Variants in OASL observed in about 807,000 individuals in gnomAD.
The protein encoded by OASL is 2'-5'-oligoadenylate synthetase like, also known as 2'-5'-oligoadenylate synthase-like protein.
A neutral mutation model predicts 35.3 loss-of-function variants in OASL; 28 were observed. The ratio of observed to expected loss-of-function variants is 0.79; its 90% CI spans 0.59 to 1.09. The LOEUF (loss-of-function observed/expected upper bound fraction) is 1.09, where lower values mean the gene tolerates loss of function less well. Ranked by LOEUF, OASL falls within the 50% of genes least tolerant of loss-of-function variation. The pLI is 0.00. For missense variants in OASL, 620 were observed against 635.2 expected (o/e 0.98, Z 0.26); for synonymous variants, 252 against 254.6 (o/e 0.99, Z 0.10).
intron 5 of OASL, among the ~76,000 whole-genome samples, chr12:121,022,057 G>A (rs958114216): frequency 2.0e-5 from 3 of 149,838 alleles, no homozygotes; most frequent in Non-Finnish European, 3.0e-5. Flanking sequence ...CCACAGGTGC[G>A]TGCCACCACA....
chr12:121,038,644 G>T, intron 1 of OASL, 130 bp downstream of exon 1: 3 of 788,838 alleles, frequency 3.8e-6, no homozygotes, highest in Non-Finnish European at 6.3e-6. Flanking sequence ...AGCTAGGTGG[G>T]ATGGGGTATT....
chr12:121,023,829 T>A (rs1204928864), intron 5 of OASL, 161 bp downstream of exon 5: 58 of 694,772 alleles, frequency 8.3e-5, no homozygotes, highest in Non-Finnish European at 1.6e-5. Context: ...AGCCAAAGAA[T>A]TTGTCCAAGT....
intron 3 of OASL, 85 bp from the exon 4 acceptor site, chr12:121,027,902 A>G (rs1869558117): frequency 8.4e-7 from 1 of 1,189,404 alleles, no homozygotes; most frequent in African/African-American, 1.5e-5. Context: ...TGAGAAATCC[A>G]AGTTCTAGTC....
At position 121,021,850 on chromosome 12, in the gene OASL, G is replaced by C. The variant is rs542823802; in HGVS notation, c.1048-792C>G. On this transcript the variant is annotated intron_variant, in intron 5 of 5. Transcript: ENST00000257570. ...AAAAGAAAAAGAAAAAGAAATATAA[G>C]CCTGGCATTGCCAAGTTTTCTGACT... Among the ~76,000 whole-genome samples the C allele has an allele frequency of 2.5e-3, 380 of 152,206 alleles. 5 individuals carry two copies. Among genetic ancestry groups the C allele is most frequent in the African/African-American group, 8.7e-3 (362 of 41,540 alleles).
At chr12:121,037,241 G>A (rs188157199) in intron 1 of OASL, among the ~76,000 whole-genome samples, 28 of 152,034 alleles carry the variant, frequency 1.8e-4, no homozygotes, top group Non-Finnish European at 3.7e-4. Context: ...TCTGTGCCTC[G>A]GTTTACTTAA....
At chr12:121,022,555 C>T (rs908534202) in intron 5 of OASL, among the ~76,000 whole-genome samples, 17 of 152,310 alleles carry the variant, frequency 1.1e-4, no homozygotes, top group Non-Finnish European at 2.2e-4. Context: ...AATCCAGAGG[C>T]GTATATTTTC....
chr12:121,039,087 T>G, exon 1 of OASL: 1 of 822,652 alleles, frequency 1.2e-6, no homozygotes, highest in East Asian at 2.7e-5. Flanking sequence ...CAGTGCTCTG[T>G]GGGAGGAGGG....
chr12:121,031,513 T>A lies in OASL; in HGVS notation c.586A>T (p.Arg196Ter), dbSNP rs201720090. The stretch of plus-strand genomic sequence containing the variant: ...GTTGGCCGATGTTTCACGAAATTTC[T>A]CTGCAGCTCGCTGAAGGATGGGCAG... Residue 196 changes from arginine to a stop codon, truncating the protein, a stop_gained, in exon 3 of 6, where the codon AGA becomes TGA. Transcript: ENST00000257570. LOFTEE classifies it high-confidence loss of function. The A allele has an allele frequency of 1.2e-4, 187 of 1,613,998 alleles. No homozygotes were observed. The highest frequency in any genetic ancestry group is 1.5e-4 in the Non-Finnish European group (179 of 1,180,026).
chr12:121,019,133 T>A (rs897816733), exon 6 of OASL: 2 of 152,182 alleles, frequency 1.3e-5, no homozygotes, highest in African/African-American at 2.4e-5. Context: ...TTCTTTTTTT[T>A]ATTTTAAACA....
exon 2 of OASL, chr12:121,033,686 C>A (rs1869839802): frequency 2.5e-6 from 4 of 1,613,972 alleles, no homozygotes; most frequent in South Asian, 2.2e-5. Context: ...CTCAGAAACG[C>A]CACCAGCTCC....
chr12:121,021,170 C>G (rs775014201), intron 5 of OASL, 112 bp from the exon 6 acceptor site: 55 of 1,168,834 alleles, frequency 4.7e-5, no homozygotes, highest in Non-Finnish European at 5.5e-5. Flanking sequence ...GCAGCGGCAG[C>G]AGCAAATGTT....
exon 1 of OASL, chr12:121,039,032 G>T: frequency 1.4e-6 from 2 of 1,398,518 alleles, no homozygotes; most frequent in Non-Finnish European, 2.0e-6. Context: ...CCAGCTCCCT[G>T]GCACACACCT....
chr12:121,031,562 C>T (rs1869733216), exon 3 of OASL: 1 of 1,614,000 alleles, frequency 6.2e-7, no homozygotes, highest in Admixed American at 1.7e-5. Flanking sequence ...CACCGCAGGC[C>T]TTGATCAGGC....
chr12:121,036,143 G>A (rs1310085067), intron 1 of OASL, among the ~76,000 whole-genome samples: 3 of 152,160 alleles, frequency 2.0e-5, no homozygotes, highest in Admixed American at 2.0e-4. Flanking sequence ...GATTACAGGC[G>A]TGAGCCACTG....
At chr12:121,018,259 A>C (rs1218713834), downstream of OASL, among the ~76,000 whole-genome samples, 1 of 152,102 alleles carries the variant, frequency 6.6e-6, no homozygotes, top group African/African-American at 2.4e-5. Flanking sequence ...TCAGCACCAA[A>C]TGAGGACGGG....
chr12:121,030,047 GTATTTTTT>G (rs1162730680), intron 3 of OASL, among the ~76,000 whole-genome samples: 1 of 151,790 alleles, frequency 6.6e-6, no homozygotes, highest in African/African-American at 2.4e-5. Context: ...TTGTATTTTT[GTATTTTTT>G]GTAGAGACGG....
At chr12:121,023,999 C>A in exon 5 of OASL, 3 of 1,614,118 alleles carry the variant, frequency 1.9e-6, no homozygotes, top group Non-Finnish European at 2.5e-6. Context: ...CCTTCACGTT[C>A]CAGCTGGAGA....
At chr12:121,038,403 A>G (rs10735074) in intron 1 of OASL, among the ~76,000 whole-genome samples, 152,135 of 152,332 alleles carry the variant, frequency 1, 75,969 homozygotes, top group Non-Finnish European at 1. Context: ...TCCCCAAACT[A>G]TATTTTACAG....
rs111680585 is a variant in OASL, at chr12:121,027,028, T to C, written c.899+548A>G. Among the ~76,000 whole-genome samples, 739 of 152,098 alleles carry C rather than the reference T, an allele frequency of 4.9e-3. 2 individuals carry two copies. Among genetic ancestry groups the C allele is most frequent in the Non-Finnish European group, 8.7e-3 (594 of 67,984 alleles). On this transcript the variant is annotated intron_variant, in intron 4 of 5. Coordinates refer to ENST00000257570, the Ensembl canonical transcript of OASL. Reference sequence around the variant, plus strand: ...AGCTGGAAGTGGAACCAACCTTCCCTAGAACGGTAAAGGCCGAGAGGATAT... The same window carrying C: ...AGCTGGAAGTGGAACCAACCTTCCCCAGAACGGTAAAGGCCGAGAGGATAT...
Sources: allele counts gnomAD v4.1 joint callset (sites outside exome capture counted in the v4.1 genomes callset), GRCh38; gene constraint gnomAD v4.1.1; transcripts MANE v1.5; gene names NCBI Gene and HGNC (gene_info 2026-07-23, HGNC 2026-07-21).